ADGRB3: variants seen among roughly 807,000 people sequenced by gnomAD.
The protein encoded by ADGRB3 is adhesion G protein-coupled receptor B3, also known as brain-specific angiogenesis inhibitor 3.
In ADGRB3, 37 loss-of-function variants were observed where a neutral mutation model predicts 193.4. That is an observed-to-expected ratio of 0.19 (90% CI 0.15 to 0.25). The LOEUF (loss-of-function observed/expected upper bound fraction) is 0.25, where lower values mean the gene tolerates loss of function less well. Ranked by LOEUF, ADGRB3 falls within the 10% of genes least tolerant of loss-of-function variation. The probability of loss-of-function intolerance (pLI) is 1.00; values close to 1 mark genes in which losing one functional copy is unlikely to be tolerated. For missense variants in ADGRB3, 1,637 were observed against 1,852.9 expected, an observed-to-expected ratio of 0.88 and a Z score of 2.14; for synonymous variants, 690 against 644.2, an observed-to-expected ratio of 1.07 and a Z score of -1.08.
intron 17 of ADGRB3, among the ~76,000 whole-genome samples, chr6:69,185,559 T>C (rs1418846795): frequency 3.3e-5 from 5 of 152,200 alleles, no homozygotes; most frequent in African/African-American, 1.2e-4. Context: ...CTATTCGTAC[T>C]GTATGCCCTC....
At chr6:68,758,258 A>G (rs2073135) in intron 3 of ADGRB3, among the ~76,000 whole-genome samples, 41,187 of 151,856 alleles carry the variant, frequency 0.27, 6,060 homozygotes, top group East Asian at 0.65. Flanking sequence ...AAAAGTTTCT[A>G]ATATCACCGA....
chr6:69,190,875 G>C (rs1486364178), intron 17 of ADGRB3, among the ~76,000 whole-genome samples: 3 of 152,096 alleles, frequency 2.0e-5, no homozygotes, highest in Non-Finnish European at 4.4e-5. Flanking sequence ...AGTCAGTACA[G>C]TAACATGTTG....
intron 19 of ADGRB3, among the ~76,000 whole-genome samples, chr6:69,237,538 T>A (rs1000623385): frequency 6.6e-6 from 1 of 152,006 alleles, no homozygotes; most frequent in Non-Finnish European, 1.5e-5. Context: ...GGTAAAGAAA[T>A]TTGTGAAAAT....
At chr6:69,112,024 T>C (rs1773380046) in intron 17 of ADGRB3, among the ~76,000 whole-genome samples, 1 of 152,236 alleles carries the variant, frequency 6.6e-6, no homozygotes, top group Non-Finnish European at 1.5e-5. Flanking sequence ...GCAGATAGGC[T>C]CTGTGATATT....
intron 3 of ADGRB3, among the ~76,000 whole-genome samples, chr6:68,651,775 A>G (rs1352201414): frequency 1.3e-5 from 2 of 152,162 alleles, no homozygotes; most frequent in African/African-American, 2.4e-5. Flanking sequence ...GCCGTGCCTA[A>G]TTAGTCTCTC....
intron 3 of ADGRB3, among the ~76,000 whole-genome samples, chr6:68,778,736 T>C (rs1160871412): frequency 1.3e-5 from 2 of 152,112 alleles, no homozygotes; most frequent in Non-Finnish European, 2.9e-5. Context: ...ACCAGAACTA[T>C]ATACTTATAT....
chr6:69,226,461 T>A (rs190522817), intron 17 of ADGRB3, among the ~76,000 whole-genome samples: 3 of 152,326 alleles, frequency 2.0e-5, no homozygotes, highest in Admixed American at 6.5e-5. Context: ...ACAATATACC[T>A]GTCCTCATGA....
intron 10 of ADGRB3, among the ~76,000 whole-genome samples, chr6:68,990,186 A>G (rs1769194145): frequency 6.6e-6 from 1 of 152,040 alleles, no homozygotes; most frequent in South Asian, 2.1e-4. Flanking sequence ...ATTCTAGGAA[A>G]TAGGTAGTGA....
intron 13 of ADGRB3, among the ~76,000 whole-genome samples, chr6:69,022,547 G>A (rs570215850): frequency 1.5e-4 from 23 of 151,830 alleles, no homozygotes; most frequent in African/African-American, 5.1e-4. Flanking sequence ...TATTTGAAAA[G>A]CCTTCCAGAA....
intron 11 of ADGRB3, among the ~76,000 whole-genome samples, chr6:69,005,077 G>C (rs902801034): frequency 3.3e-5 from 5 of 152,060 alleles, no homozygotes; most frequent in Non-Finnish European, 5.9e-5. Flanking sequence ...TGAACATGAT[G>C]ATGATTTTGT....
At chr6:68,797,851 A>C (rs530155567) in intron 3 of ADGRB3, among the ~76,000 whole-genome samples, 1 of 152,152 alleles carries the variant, frequency 6.6e-6, no homozygotes, top group East Asian at 1.9e-4. Flanking sequence ...AGTAGATCTT[A>C]AGTAGGGAAA....
At chr6:68,696,980 A>G (rs1765169569) in intron 3 of ADGRB3, among the ~76,000 whole-genome samples, 1 of 152,008 alleles carries the variant, frequency 6.6e-6, no homozygotes, top group Non-Finnish European at 1.5e-5. Context: ...TGTGCTATTC[A>G]GTCAGCTCAG....
intron 17 of ADGRB3, among the ~76,000 whole-genome samples, chr6:69,130,343 C>T (rs541939075): frequency 1.3e-5 from 2 of 151,994 alleles, no homozygotes; most frequent in East Asian, 3.9e-4. Context: ...AGTATTCAGA[C>T]TATAGCAGCT....
At chr6:69,109,277 G>A (rs144754216) in intron 17 of ADGRB3, among the ~76,000 whole-genome samples, 4 of 152,270 alleles carry the variant, frequency 2.6e-5, no homozygotes, top group African/African-American at 9.6e-5. Context: ...AGTTTAAAGA[G>A]GGATGTAGAA....
At chr6:69,010,962 C>G (rs1466035752) in intron 11 of ADGRB3, among the ~76,000 whole-genome samples, 2 of 151,954 alleles carry the variant, frequency 1.3e-5, no homozygotes, top group Non-Finnish European at 2.9e-5. Context: ...TCTGCTACCA[C>G]AGAAGCAGCT....
chr6:68,821,488 A>G (rs75890790), intron 3 of ADGRB3, among the ~76,000 whole-genome samples: 7,135 of 152,080 alleles, frequency 0.047, 244 homozygotes, highest in Non-Finnish European at 0.072. Context: ...ATGTTAGTCA[A>G]AAGTTGTCTC....
At chr6:69,315,914 G>A (rs1768299966) in intron 20 of ADGRB3, among the ~76,000 whole-genome samples, 1 of 151,264 alleles carries the variant, frequency 6.6e-6, no homozygotes, top group Non-Finnish European at 1.5e-5. Flanking sequence ...TAATTACAGT[G>A]TGCAAATATT....
At chr6:68,651,068 A>C (rs1166735959) in intron 3 of ADGRB3, among the ~76,000 whole-genome samples, 1 of 152,172 alleles carries the variant, frequency 6.6e-6, no homozygotes, top group Non-Finnish European at 1.5e-5. Context: ...AATCTGGCAA[A>C]CTTTCAAAGA....
At position 69,239,173 on chromosome 6, in the gene ADGRB3, A is replaced by G. The variant is rs779684954; in HGVS notation, c.2761A>G (p.Ile921Val). 16 of 1,603,430 alleles carry G rather than the reference A, an allele frequency of 1.0e-5. No individual in the cohort carries two copies. In the African/African-American group the frequency reaches 1.5e-4, roughly 15 times the overall value. The change falls in exon 20 of 32, where the codon ATC becomes GTC. Residue 921 changes from isoleucine to valine, a missense_variant. Coordinates refer to ENST00000370598, the MANE Select transcript of ADGRB3 (RefSeq NM_001704.3). ...SIILINFCLS[I>V]ISSNILILVG... ...AATACTAATTAACTTCTGCCTGTCT[A>G]TCATCTCATCCAATATCCTCATACT...
Sources: allele counts gnomAD v4.1 joint callset (sites outside exome capture counted in the v4.1 genomes callset), GRCh38; gene constraint gnomAD v4.1.1; transcripts MANE v1.5; gene names NCBI Gene and HGNC (gene_info 2026-07-23, HGNC 2026-07-21).